The following PLEKHN1 variants were observed in gnomAD, a reference collection of about 807,000 sequenced individuals.
PLEKHN1 encodes pleckstrin homology domain containing N1.
In PLEKHN1, 68 loss-of-function variants were observed where a neutral mutation model predicts 72.8. The ratio of observed to expected loss-of-function variants is 0.93; its 90% CI spans 0.77 to 1.14. The LOEUF (loss-of-function observed/expected upper bound fraction) is 1.14, where lower values mean the gene tolerates loss of function less well. Ranked by LOEUF, PLEKHN1 falls within the 50% of genes most tolerant of loss-of-function variation. The probability of loss-of-function intolerance (pLI) is 0.00; values close to 1 mark genes in which losing one functional copy is unlikely to be tolerated. For synonymous variants in PLEKHN1, 454 were observed against 371.6 expected, an observed-to-expected ratio of 1.22 and a Z score of -2.55; for missense variants, 1,015 against 840.5, an observed-to-expected ratio of 1.21 and a Z score of -2.57.
At chr1:974,161 G>C in intron 14 of PLEKHN1, 110 bp downstream of exon 14, 2 of 1,477,092 alleles carry the variant, frequency 1.4e-6, no homozygotes, top group Non-Finnish European at 1.9e-6. Context: ...GGAGGACGGG[G>C]GCAGATGGAG....
Position 970,521 on chromosome 1 carries a change from G to A in PLEKHN1, c.331G>A (p.Asp111Asn), listed in dbSNP as rs200191592. 211 of 1,613,116 alleles carry A rather than the reference G, an allele frequency of 1.3e-4. No homozygotes were observed. Among genetic ancestry groups the A allele is most frequent in the East Asian group, 2.7e-4 (12 of 44,856 alleles). The change falls in exon 4 of 16, where the codon GAT becomes AAT. Residue 111 changes from aspartate to asparagine, a missense_variant and splice_region_variant. Transcript: ENST00000379410. The surrounding 1 kb of genome is among the most constrained non-coding windows in gnomAD (Gnocchi z 4.2). ...KVQLRFQHSQDVSDCYLELFP... is the reference protein window; with the variant it reads ...KVQLRFQHSQNVSDCYLELFP... Reference sequence around the variant, plus strand: ...ACTGACGACCCTGCTCCCCGCGCAGGATGTCAGCGACTGCTACCTGGAGCT... The same window carrying A: ...ACTGACGACCCTGCTCCCCGCGCAGAATGTCAGCGACTGCTACCTGGAGCT...
At chr1:971,649 A>C in intron 8 of PLEKHN1, 1 of 596,666 alleles carries the variant, frequency 1.7e-6, no homozygotes. Flanking sequence ...TGGGGCTGAG[A>C]GCCCCTCCCG....
rs746942992 is a variant in PLEKHN1 at position 974,355 on chromosome 1, C to T, written c.1693C>T (p.Pro565Ser). ...GGAAGGTTCGCCCGAACCCTGGCTG[C>T]CTCTGACAGGTGAGTAAGGATCCTG... ...AREGSPEPWL[P>S]LTDGRSPRRS... The change falls in exon 15 of 16, where the codon CCT becomes TCT. Residue 565 changes from proline (P) to serine (S), a missense_variant. Coordinates refer to ENST00000379410, the MANE Select transcript of PLEKHN1 (RefSeq NM_032129.3). 2 of 1,613,016 alleles carry T rather than the reference C, an allele frequency of 1.2e-6. No homozygotes were observed. The highest frequency in any genetic ancestry group is 1.1e-5 in the South Asian group (1 of 91,082).
Position 970,784 on chromosome 1 carries a change from C to T in PLEKHN1, c.484+26C>T. 1 of 1,612,744 alleles carries T rather than the reference C, an allele frequency of 6.2e-7. No individual in the cohort carries two copies. The highest frequency in any genetic ancestry group is 1.3e-5 in the African/African-American group (1 of 75,040). ...GTGTTTGGGATGCTTCCCGGGCCCC[C>T]AGAGGCACTCCTGACCCAGGACTTG... On this transcript the variant is annotated intron_variant, in intron 5 of 15. Transcript: ENST00000379410. The surrounding 1 kb of genome is among the most constrained non-coding windows in gnomAD (Gnocchi z 4.2).
Position 972,328 on chromosome 1 carries a change from C to T in PLEKHN1, c.906C>T (p.Tyr302=), listed in dbSNP as rs771647949. The T allele has an allele frequency of 1.5e-5, 24 of 1,612,566 alleles. No homozygotes were observed. Among genetic ancestry groups the T allele is most frequent in the Admixed American group, 5.0e-5 (3 of 60,006 alleles). The stretch of plus-strand genomic sequence containing the variant: ...CCATCCGCGTGGTGTGCGCCAGCTA[C>T]GAGGACTACGGTCACTGGCTGCTGT... ...INTIRVVCAS[Y]EDYGHWLLCL... is the part of the protein sequence containing the mutation. The change falls in exon 10 of 16, where the codon TAC becomes TAT. Residue 302 remains tyrosine, a synonymous_variant. Transcript: ENST00000379410.
intron 1 of PLEKHN1, 23 bp from the exon 2 acceptor site, chr1:966,681 G>A (rs556524050): frequency 5.3e-5 from 84 of 1,577,514 alleles, no homozygotes; most frequent in Middle Eastern, 5.0e-4. Flanking sequence ...GCCAAGCCAC[G>A]AGACCCCTTG....
rs527356388 is a variant in PLEKHN1 at position 969,647 on chromosome 1, C to G, written c.184-630C>G. On this transcript the variant is annotated intron_variant, in intron 2 of 15. Coordinates refer to ENST00000379410, the MANE Select transcript of PLEKHN1 (RefSeq NM_032129.3). The stretch of plus-strand genomic sequence containing the variant: ...GTGTATGTGCAACTGTGTATGTGTG[C>G]ACGTGTGTATCCATGCATATGTGTG... Among the ~76,000 whole-genome samples the G allele has an allele frequency of 4.5e-5, 6 of 134,648 alleles. No homozygotes were observed. In the South Asian group the frequency reaches 1.3e-3, roughly 30 times the overall value. The allele number at this position is 134,648 out of a possible 152,430, so 88.3% of individuals were successfully genotyped here.
chr1:969,783 GTA>G (rs1399344310), intron 2 of PLEKHN1, among the ~76,000 whole-genome samples: 33 of 152,228 alleles, frequency 2.2e-4, no homozygotes, highest in Middle Eastern at 3.4e-3. Context: ...ATGTGTGCGT[GTA>G]TGCATTTATA....
chr1:968,086 C>T (rs959643074), intron 2 of PLEKHN1, among the ~76,000 whole-genome samples: 5 of 152,236 alleles, frequency 3.3e-5, no homozygotes, highest in South Asian at 2.1e-4. Context: ...GGCTGAGCTG[C>T]GCTGCAGGGC....
intron 14 of PLEKHN1, 99 bp downstream of exon 14, chr1:974,150 AGGAGGACGGGGGCAGAT>A: frequency 6.7e-7 from 1 of 1,483,484 alleles, no homozygotes; most frequent in Non-Finnish European, 9.2e-7. Context: ...GGAGGGAAAC[AGGAGGACGGGGGCAGAT>A]GGAGGCCAGG....
chr1:970,522 A>G lies in PLEKHN1; in HGVS notation c.332A>G (p.Asp111Gly). The change falls in exon 4 of 16, where the codon GAT becomes GGT. Residue 111 changes from aspartate (D) to glycine (G), a missense_variant and splice_region_variant. Physicochemically the swap from Asp to Gly is moderately conservative, Grantham distance 94 (BLOSUM62 -1). Transcript: ENST00000379410. The surrounding 1 kb of genome is among the most constrained non-coding windows in gnomAD (Gnocchi z 4.2). ...CTGACGACCCTGCTCCCCGCGCAGGATGTCAGCGACTGCTACCTGGAGCTA... is the reference window on the plus strand; with the variant it reads ...CTGACGACCCTGCTCCCCGCGCAGGGTGTCAGCGACTGCTACCTGGAGCTA... ...KVQLRFQHSQ[D>G]VSDCYLELFP... is the part of the protein sequence containing the mutation. 5.0e-6 allele frequency: 8 copies of G among 1,613,104 alleles called. No homozygotes were observed. Among genetic ancestry groups the G allele is most frequent in the Non-Finnish European group, 5.9e-6 (7 of 1,179,946 alleles).
chr1:970,918 G>A lies in PLEKHN1; in HGVS notation c.524G>A (p.Arg175Gln), dbSNP rs199870272. Reference protein sequence around the residue: ...PAPLLVLCPSRAELDRWLYHL... With the variant: ...PAPLLVLCPSQAELDRWLYHL... ...CCCCTCCTGGTGCTCTGCCCCAGCC[G>A]GGCCGAGCTGGACCGCTGGCTTTAC... Residue 175 changes from arginine to glutamine, a missense_variant, in exon 6 of 16, where the codon CGG (arginine) becomes CAG (glutamine). Physicochemically the swap from Arg to Gln is conservative, Grantham distance 43. Transcript: ENST00000379410. This position sits in a 1 kb window ranked among gnomAD's most constrained non-coding sequence, Gnocchi z 4.2. 208 of 1,610,464 alleles carry A rather than the reference G, an allele frequency of 1.3e-4. No individual in the cohort carries two copies. Among genetic ancestry groups the A allele is most frequent in the African/African-American group, 5.9e-4 (44 of 74,868 alleles).
chr1:972,582 G>A (rs990214747), intron 10 of PLEKHN1, among the ~76,000 whole-genome samples, 158 bp downstream of exon 10: 13 of 152,090 alleles, frequency 8.5e-5, no homozygotes, highest in African/African-American at 3.1e-4. Context: ...CCTGACCGAC[G>A]TGGAGAAACC....
chr1:967,213 C>T (rs1013840927), intron 2 of PLEKHN1, among the ~76,000 whole-genome samples: 4 of 152,182 alleles, frequency 2.6e-5, no homozygotes, highest in South Asian at 2.1e-4. Flanking sequence ...CTGGGTGTCC[C>T]GCAGGAAGTT....
rs777317953 is a variant in PLEKHN1 at position 966,840 on chromosome 1, C to G, written c.183+37C>G. Reference sequence around the variant, plus strand: ...GTGCACGGTGGCTGTGGTCTGGGAGCGTGGCTCTGCCCGCGCGTGTGTGCC... The same window carrying G: ...GTGCACGGTGGCTGTGGTCTGGGAGGGTGGCTCTGCCCGCGCGTGTGTGCC... On this transcript the variant is annotated intron_variant, in intron 2 of 15. Transcript: ENST00000379410. The G allele has an allele frequency of 2.6e-6, 4 of 1,522,856 alleles. No individual in the cohort carries two copies. The African/African-American group carries it at 4.1e-5, about 16-fold the overall frequency. The allele number at this position is 1,522,856 out of a possible 1,614,324, so 94.3% of individuals were successfully genotyped here. A position where few individuals can be genotyped will look rare whatever the true frequency, so the allele number is the denominator to read the frequency against.
At chr1:973,470 A>C (rs1419702138) in intron 12 of PLEKHN1, 30 bp from the exon 13 acceptor site, 2 of 1,608,642 alleles carry the variant, frequency 1.2e-6, no homozygotes, top group South Asian at 1.1e-5. Flanking sequence ...TCTAGCCGAG[A>C]AGCCCATTTC....
rs1643466387 is a variant in PLEKHN1 at position 973,763 on chromosome 1, T to A, written c.1435-70T>A. The A allele has an allele frequency of 5.1e-6, 8 of 1,572,364 alleles. No individual in the cohort carries two copies. In the South Asian group the frequency reaches 5.7e-5, roughly 11 times the overall value. The stretch of plus-strand genomic sequence containing the variant: ...CCCCAAGCCTGAGGTCTGTTCAGGC[T>A]CTGATGGGAGGTTGAGGTTCTGGGG... On this transcript the variant is annotated intron_variant, in intron 13 of 15. Transcript: ENST00000379410.
At position 972,363 on chromosome 1, in the gene PLEKHN1, C is replaced by T. The variant is rs1338710767; in HGVS notation, c.941C>T (p.Ala314Val). 6.2e-7 allele frequency: 1 copy of T among 1,600,598 alleles called. No individual in the cohort carries two copies. The highest frequency in any genetic ancestry group is 8.5e-7 in the Non-Finnish European group (1 of 1,175,456). ...GGTCACTGGCTGCTGTGCCTTCGCG[C>T]TGTCACCCACAGGGAGGGGGCCCCG... ...DYGHWLLCLR[A>V]VTHREGAPPL... The change falls in exon 10 of 16, where the codon GCT (alanine) becomes GTT (valine). Residue 314 changes from alanine (A) to valine (V), a missense_variant. Transcript: ENST00000379410.
At chr1:969,801 G>A (rs1643208166) in intron 2 of PLEKHN1, among the ~76,000 whole-genome samples, 1 of 152,102 alleles carries the variant, frequency 6.6e-6, no homozygotes, top group Non-Finnish European at 1.5e-5. Flanking sequence ...TTATACATGT[G>A]TATGTGTGCG....
Sources: gnomAD v4.1 joint callset for allele counts (sites outside exome capture counted in the v4.1 genomes callset) on GRCh38, gnomAD v4.1.1 for gene constraint, Gnocchi (gnomAD v3.1) non-coding constraint, MANE v1.5 for transcripts, NCBI Gene and HGNC (gene_info 2026-07-23, HGNC 2026-07-21) for gene names.